RBFOX1: variants seen among roughly 807,000 people sequenced by gnomAD.
RBFOX1 encodes RNA binding protein fox-1 homolog 1.
Under a neutral mutation model 57.7 loss-of-function variants are expected in RBFOX1, and 8 were observed. The ratio of observed to expected loss-of-function variants is 0.14; its 90% CI spans 0.08 to 0.25. RBFOX1 has a LOEUF of 0.25. RBFOX1 is among the 10% of genes least tolerant of loss of function. RBFOX1 has a pLI of 1.00. For missense variants in RBFOX1, 611 were observed against 548.5 expected, an observed-to-expected ratio of 1.11 and a Z score of -1.14; for synonymous variants, 326 against 222.4, an observed-to-expected ratio of 1.47 and a Z score of -4.15.
chr16:7,196,393 T>C (rs1472195388), intron 4 of RBFOX1, among the ~76,000 whole-genome samples: 1 of 152,132 alleles, frequency 6.6e-6, no homozygotes, highest in African/African-American at 2.4e-5. Flanking sequence ...CATTTGCCAC[T>C]GACTTGCTTA....
At chr16:6,773,346 T>G (rs1436093477) in intron 3 of RBFOX1, among the ~76,000 whole-genome samples, 1 of 147,242 alleles carries the variant, frequency 6.8e-6, no homozygotes, top group Non-Finnish European at 1.5e-5. Flanking sequence ...CATGTGTATG[T>G]GTGGATATGG....
chr16:7,046,596 GTTTTATCTTT>G (rs2048034687), intron 3 of RBFOX1, among the ~76,000 whole-genome samples: 1 of 128,634 alleles, frequency 7.8e-6, no homozygotes, highest in African/African-American at 2.9e-5. Flanking sequence ...TAGTCTTTGT[GTTTTATCTTT>G]TTTTTTTTTT....
chr16:6,677,661 CT>C (rs1348707858), intron 3 of RBFOX1, among the ~76,000 whole-genome samples: 1 of 152,132 alleles, frequency 6.6e-6, no homozygotes, highest in Non-Finnish European at 1.5e-5. Flanking sequence ...CAAGTTTGGG[CT>C]GTTCCAAAGT....
Position 7,448,927 on chromosome 16 carries a change from G to GGTTTT in RBFOX1, c.28-69220_28-69219insGTTTT, listed in dbSNP as rs780860697. Among the ~76,000 whole-genome samples the GGTTTT allele has an allele frequency of 6.1e-4, 51 of 82,974 alleles. 1 individual carries two copies. The highest frequency in any genetic ancestry group is 2.1e-3 in the African/African-American group (46 of 21,844). The allele number at this position is 82,974 out of a possible 152,430, so 54.4% of individuals were successfully genotyped here. On this transcript the variant is annotated intron_variant, in intron 4 of 15. Coordinates refer to ENST00000550418, the MANE Select transcript of RBFOX1 (RefSeq NM_018723.4). ...CTTGGTAGACATTTTTCTTTCCCCTGTTTTTTTTTTTTTTTTTTTGAGATG... is the reference window on the plus strand; with the variant it reads ...CTTGGTAGACATTTTTCTTTCCCCTGGTTTTTTTTTTTTTTTTTTTTTTTGAGATG...
chr16:7,514,731 T>C (rs2075975533), intron 4 of RBFOX1, among the ~76,000 whole-genome samples: 1 of 152,120 alleles, frequency 6.6e-6, no homozygotes, highest in Non-Finnish European at 1.5e-5. Flanking sequence ...GGAGCTCTTC[T>C]CCCTTAACTG....
intron 4 of RBFOX1, among the ~76,000 whole-genome samples, chr16:7,383,714 A>T (rs1260801968): frequency 6.6e-6 from 1 of 152,202 alleles, no homozygotes; most frequent in South Asian, 2.1e-4. Context: ...TTAAACGCCT[A>T]TTCAAAGGGT....
chr16:7,034,827 C>CTTTTTTTTTTTCTTTTTTTTTT (rs2043824001), intron 3 of RBFOX1, among the ~76,000 whole-genome samples: 2 of 54,114 alleles, frequency 3.7e-5, no homozygotes, highest in Non-Finnish European at 6.2e-5. Context: ...TATTGCATTA[C>CTTTTTTTTTTTCTTTTTTTTTT]TTTTTTTTTT....
chr16:6,077,361 AC>A (rs2095919186), intron 1 of RBFOX1, among the ~76,000 whole-genome samples: 1 of 152,192 alleles, frequency 6.6e-6, no homozygotes, highest in African/African-American at 2.4e-5. Context: ...CGTGGTTTGT[AC>A]TAACTATATG....
intron 1 of RBFOX1, among the ~76,000 whole-genome samples, chr16:6,052,113 T>C (rs2095558313): frequency 6.6e-6 from 1 of 152,150 alleles, no homozygotes; most frequent in Admixed American, 6.6e-5. Flanking sequence ...ATGCCCTTGT[T>C]CAGAAATGTT....
At chr16:5,736,351 C>G (rs1342838763) in intron 3 of RBFOX1, among the ~76,000 whole-genome samples, 1 of 152,148 alleles carries the variant, frequency 6.6e-6, no homozygotes, top group Admixed American at 6.5e-5. Context: ...GACCCCTCCT[C>G]CCATCTTTTT....
intron 4 of RBFOX1, among the ~76,000 whole-genome samples, chr16:7,217,906 ATGTG>A (rs949154348): frequency 1.6e-5 from 1 of 60,932 alleles, no homozygotes; most frequent in Non-Finnish European, 3.3e-5. Context: ...ATGTGTGTGC[ATGTG>A]TGTGTGTGAG....
chr16:7,443,068 C>A (rs528669625), intron 4 of RBFOX1, among the ~76,000 whole-genome samples: 1 of 152,302 alleles, frequency 6.6e-6, no homozygotes, highest in South Asian at 2.1e-4. Flanking sequence ...AAACCACAAA[C>A]CTTACCCTTC....
intron 3 of RBFOX1, among the ~76,000 whole-genome samples, chr16:5,805,533 C>T (rs1347550986): frequency 1.3e-5 from 2 of 152,090 alleles, no homozygotes; most frequent in Non-Finnish European, 2.9e-5. Context: ...AAACAGAAGA[C>T]ATGTATTGAT....
intron 2 of RBFOX1, among the ~76,000 whole-genome samples, chr16:6,416,482 C>CT (rs1191993802): frequency 6.6e-6 from 1 of 151,952 alleles, no homozygotes; most frequent in Non-Finnish European, 1.5e-5. Context: ...TTGTCTTGTT[C>CT]TTTTTTTCGT....
intron 3 of RBFOX1, among the ~76,000 whole-genome samples, chr16:6,836,267 C>T (rs774034458): frequency 8.5e-5 from 13 of 152,130 alleles, no homozygotes; most frequent in Non-Finnish European, 1.8e-4. Context: ...TTCTTAAAAT[C>T]TGTTTTACAA....
chr16:5,498,826 A>C (rs565483168), intron 2 of RBFOX1, among the ~76,000 whole-genome samples: 3 of 152,116 alleles, frequency 2.0e-5, no homozygotes, highest in Non-Finnish European at 4.4e-5. Context: ...CTCCCCTCCT[A>C]TTATCATCCA....
At chr16:6,357,328 A>G (rs1160543151) in intron 2 of RBFOX1, among the ~76,000 whole-genome samples, 3 of 152,010 alleles carry the variant, frequency 2.0e-5, no homozygotes, top group Admixed American at 2.0e-4. Flanking sequence ...CAGGTGATTG[A>G]GAAGTTAGTG....
intron 3 of RBFOX1, among the ~76,000 whole-genome samples, chr16:6,819,258 G>A (rs1004617837): frequency 1.3e-5 from 2 of 152,158 alleles, no homozygotes; most frequent in African/African-American, 2.4e-5. Flanking sequence ...ATTTAACTTT[G>A]TGTCTCCCAG....
chr16:6,873,256 T>G (rs756334697), intron 3 of RBFOX1, among the ~76,000 whole-genome samples: 7 of 152,172 alleles, frequency 4.6e-5, no homozygotes, highest in African/African-American at 7.2e-5. Context: ...GATTTTTAAT[T>G]TATACATTAG....
Sources: gnomAD v4.1 joint callset for allele counts (sites outside exome capture counted in the v4.1 genomes callset) on GRCh38, gnomAD v4.1.1 for gene constraint, MANE v1.5 for transcripts, NCBI Gene and HGNC (gene_info 2026-07-23, HGNC 2026-07-21) for gene names.